POLR3A: variants seen among roughly 807,000 people sequenced by gnomAD.
POLR3A encodes the protein DNA-directed RNA polymerase III subunit RPC1.
In POLR3A, 112 loss-of-function variants were observed where a neutral mutation model predicts 152.8. That is an observed-to-expected ratio of 0.73 (90% CI 0.63 to 0.86). The LOEUF is 0.86. POLR3A is among the 40% of genes least tolerant of loss of function. The probability of loss-of-function intolerance (pLI) is 0.00; values close to 1 mark genes in which losing one functional copy is unlikely to be tolerated. For synonymous variants in POLR3A, 615 were observed against 652.1 expected (o/e 0.94, Z 0.87); for missense variants, 1,385 against 1,743.1 (o/e 0.79, Z 3.66).
intron 2 of POLR3A, 129 bp from the exon 3 acceptor site, chr10:78,025,888 C>T (rs1007447773): frequency 1.2e-5 from 14 of 1,144,664 alleles, no homozygotes; most frequent in Admixed American, 1.8e-5. Flanking sequence ...GAGATCACTT[C>T]CTACTGTTTT....
intron 1 of POLR3A, among the ~76,000 whole-genome samples, chr10:78,028,235 T>C (rs1847656291): frequency 6.6e-6 from 1 of 152,196 alleles, no homozygotes; most frequent in Non-Finnish European, 1.5e-5. Flanking sequence ...TAACACAGCT[T>C]CAAGTCTTCT....
chr10:78,024,877 A>C, intron 4 of POLR3A, 94 bp downstream of exon 4: 1 of 1,514,472 alleles, frequency 6.6e-7, no homozygotes, highest in Non-Finnish European at 9.1e-7. Context: ...TAAGGAGAAA[A>C]GCTGACTCCC....
chr10:77,991,605 C>A (rs1034051293), intron 20 of POLR3A, among the ~76,000 whole-genome samples: 5 of 152,196 alleles, frequency 3.3e-5, no homozygotes, highest in African/African-American at 1.2e-4. Flanking sequence ...TCACTGCAAC[C>A]TCTGCCTCCC....
intron 14 of POLR3A, among the ~76,000 whole-genome samples, chr10:78,009,152 CAAAAAAA>C (rs59670962): frequency 9.1e-5 from 3 of 33,014 alleles, no homozygotes; most frequent in African/African-American, 1.3e-4. Context: ...GACTTAGTCT[CAAAAAAA>C]AAAAAAAAAA....
At chr10:78,015,333 T>A (rs982618341) in intron 10 of POLR3A, among the ~76,000 whole-genome samples, 2 of 152,180 alleles carry the variant, frequency 1.3e-5, no homozygotes, top group Non-Finnish European at 2.9e-5. Context: ...GAAAATTTTC[T>A]TTTTCTTTTT....
chr10:78,001,325 T>C (rs755013034), intron 17 of POLR3A, among the ~76,000 whole-genome samples: 26 of 151,990 alleles, frequency 1.7e-4, no homozygotes, highest in Non-Finnish European at 3.4e-4. Flanking sequence ...GAGGAAAGGC[T>C]GGGGAAGTGA....
In POLR3A at chr10:77,995,882, C is replaced by T. The variant is rs149300042; in HGVS notation, c.2617-2515G>A. Among the ~76,000 whole-genome samples the T allele has an allele frequency of 9.9e-3, 1,510 of 152,292 alleles. 33 individuals carry two copies. Among genetic ancestry groups the T allele is most frequent in the African/African-American group, 0.035 (1,455 of 41,554 alleles). ...CATTCTTTTCAGCACCACACCACAC[C>T]TATTCCAAAACTGACCACACAGTTG... On this transcript the variant is annotated intron_variant, in intron 19 of 30. Coordinates refer to ENST00000372371, the MANE Select transcript of POLR3A (RefSeq NM_007055.4).
In POLR3A at chr10:78,024,999, G is replaced by GT; in HGVS notation, c.461dup (p.Asn154LysfsTer10). On this transcript the variant is annotated frameshift_variant, in exon 4 of 31. Coordinates refer to ENST00000372371, the MANE Select transcript of POLR3A (RefSeq NM_007055.4). LOFTEE classifies it high-confidence loss of function. ...TAAAAGCGCCACAGTGATGGCAGATGTTTTTCTTCCGGCACTTGTCAGAGA... is the reference window on the plus strand; with the variant it reads ...TAAAAGCGCCACAGTGATGGCAGATGTTTTTTCTTCCGGCACTTGTCAGAGA... The GT allele has an allele frequency of 6.2e-7, 1 of 1,614,154 alleles. No homozygotes were observed. The highest frequency in any genetic ancestry group is 8.5e-7 in the Non-Finnish European group (1 of 1,180,030).
rs116725827 is a variant in POLR3A, at chr10:77,981,650, G to A, written c.3760-91C>T. ...TTCTCCTCTGCCCTGCAGTTTCAAA[G>A]CAAACCCTGTGCCGTTTTCCAGAAA... On this transcript the variant is annotated intron_variant, in intron 28 of 30. Coordinates refer to ENST00000372371, the MANE Select transcript of POLR3A (RefSeq NM_007055.4). 6.7e-3 allele frequency: 9,939 copies of A among 1,475,772 alleles called. 584 individuals carry two copies. The African/African-American group carries it at 0.12, about 18-fold the overall frequency. The allele number at this position is 1,475,772 out of a possible 1,614,324, so 91.4% of individuals were successfully genotyped here. A position where few individuals can be genotyped will look rare whatever the true frequency, so the allele number is the denominator to read the frequency against.
Position 78,022,041 on chromosome 10 carries a change from A to G in POLR3A, c.886-19T>C. On this transcript the variant is annotated intron_variant, in intron 6 of 30. Transcript: ENST00000372371. Reference sequence around the variant, plus strand: ...TCCGATGCTAAAACCAGCACAGCCCAAACAGAAACAAACCTGGTCAGTTTG... The same window carrying G: ...TCCGATGCTAAAACCAGCACAGCCCGAACAGAAACAAACCTGGTCAGTTTG... 6.2e-7 allele frequency: 1 copy of G among 1,614,230 alleles called. No individual in the cohort carries two copies. The highest frequency in any genetic ancestry group is 8.5e-7 in the Non-Finnish European group (1 of 1,180,040).
chr10:77,977,123 G>A lies in POLR3A; in HGVS notation c.*355C>T, dbSNP rs1847096502. 9.0e-6 allele frequency: 3 copies of A among 333,468 alleles called. No individual in the cohort carries two copies. The highest frequency in any genetic ancestry group is 8.4e-5 in the Admixed American group (2 of 23,864). 20.7% of individuals were successfully genotyped at this position (333,468 alleles called of 1,614,324 possible). A position where few individuals can be genotyped will look rare whatever the true frequency, so the allele number is the denominator to read the frequency against. ...TCATCGTCAGGTGTGAAGACACCAT[G>A]GGGAGCCGATGGATGTATGCAGTGA... On this transcript the variant is annotated 3_prime_UTR_variant, in exon 31 of 31. Coordinates refer to ENST00000372371, the MANE Select transcript of POLR3A (RefSeq NM_007055.4).
At chr10:78,019,288 T>G in intron 8 of POLR3A, 23 bp from the exon 9 acceptor site, 1 of 1,453,470 alleles carries the variant, frequency 6.9e-7, no homozygotes, top group Non-Finnish European at 9.7e-7. Context: ...AAAACCACAA[T>G]AAGTTACTCC....
intron 21 of POLR3A, 53 bp from the exon 22 acceptor site, chr10:77,986,212 A>G: frequency 1.1e-6 from 1 of 907,672 alleles, no homozygotes; most frequent in Non-Finnish European, 1.9e-6. Flanking sequence ...CATGCAGATG[A>G]CATAATTCAT....
At chr10:77,995,954 A>C (rs1001141452) in intron 19 of POLR3A, among the ~76,000 whole-genome samples, 1 of 152,234 alleles carries the variant, frequency 6.6e-6, no homozygotes, top group East Asian at 1.9e-4. Flanking sequence ...AAATTATAAC[A>C]AACTGTCTCT....
chr10:77,978,898 G>A (rs1337815885), intron 30 of POLR3A, among the ~76,000 whole-genome samples: 2 of 151,832 alleles, frequency 1.3e-5, no homozygotes, highest in South Asian at 2.1e-4. Flanking sequence ...TCCTGACCTC[G>A]TGATCCACCC....
chr10:78,004,674 T>A (rs760110886), intron 16 of POLR3A, 42 bp downstream of exon 16: 34 of 1,525,310 alleles, frequency 2.2e-5, no homozygotes, highest in Middle Eastern at 2.2e-4. Flanking sequence ...GTAGCCACTG[T>A]GCACGGCAAG....
rs566933246 is a variant in POLR3A, at chr10:78,014,425, CTTTT to C, written c.1432-639_1432-636del. Reference sequence around the variant, plus strand: ...TTGGAAGTTACTGAGCACTAACCCCCTTTTTTTTTGAGACGTAGTCTCACTCTGT... The same window carrying C: ...TTGGAAGTTACTGAGCACTAACCCCCTTTTTGAGACGTAGTCTCACTCTGT... On this transcript the variant is annotated intron_variant, in intron 10 of 30. Coordinates refer to ENST00000372371, the MANE Select transcript of POLR3A (RefSeq NM_007055.4). Among the ~76,000 whole-genome samples the C allele has an allele frequency of 2.1e-3, 317 of 151,358 alleles. 1 individual carries two copies. Among genetic ancestry groups the C allele is most frequent in the African/African-American group, 7.3e-3 (303 of 41,356 alleles).
intron 3 of POLR3A, 108 bp downstream of exon 3, chr10:78,025,514 A>T (rs1847624490): frequency 2.0e-6 from 2 of 1,015,840 alleles, no homozygotes; most frequent in Non-Finnish European, 3.1e-6. Flanking sequence ...AGTATAAAAG[A>T]GTCCCCTAGA....
Position 77,982,759 on chromosome 10 carries a change from C to G in POLR3A, c.3488G>C (p.Gly1163Ala), listed in dbSNP as rs757995873. Residue 1163 changes from glycine (G) to alanine (A), a missense_variant, in exon 27 of 31, where the codon GGT (glycine) becomes GCT (alanine). Gly to Ala is a moderately conservative substitution (Grantham distance 60). Around this residue, in one of 7 missense-constraint regions of POLR3A, gnomAD observed 332 missense variants for 400.1 expected, o/e 0.83. Coordinates refer to ENST00000372371, the MANE Select transcript of POLR3A (RefSeq NM_007055.4). Reference sequence around the variant, plus strand: ...AGCCTCACCATGAACAGCCACATCACCGGGCTTCACACGGAGCTTGGATGT... The same window carrying G: ...AGCCTCACCATGAACAGCCACATCAGCGGGCTTCACACGGAGCTTGGATGT... ...ICTSKLRVKP[G>A]DVAVHGEAVV... is the part of the protein sequence containing the mutation. The G allele has an allele frequency of 6.2e-7, 1 of 1,614,028 alleles. No homozygotes were observed. The highest frequency in any genetic ancestry group is 1.1e-5 in the South Asian group (1 of 91,064).
Sources: gnomAD v4.1 joint callset for allele counts (sites outside exome capture counted in the v4.1 genomes callset) on GRCh38, gnomAD v4.1.1 for gene constraint, gnomAD v4.1.1 regional missense constraint, MANE v1.5 for transcripts, NCBI Gene and HGNC (gene_info 2026-07-23, HGNC 2026-07-21) for gene names.